Variants in SLC6A14 observed in about 807,000 individuals in gnomAD.
SLC6A14 encodes sodium- and chloride-dependent neutral and basic amino acid transporter B(0+).
In SLC6A14, 21 loss-of-function variants were observed where a neutral mutation model predicts 51.4. The observed-to-expected ratio is 0.41, with a 90% confidence interval of 0.29 to 0.59. The LOEUF is 0.59. Ranked by LOEUF, SLC6A14 falls within the 20% of genes least tolerant of loss-of-function variation. The probability of loss-of-function intolerance (pLI) is 0.31; values close to 1 mark genes in which losing one functional copy is unlikely to be tolerated. For missense variants in SLC6A14, 371 were observed against 472.8 expected, an observed-to-expected ratio of 0.78 and a Z score of 2.00; for synonymous variants, 177 against 160.7, an observed-to-expected ratio of 1.10 and a Z score of -0.77.
chrX:116,436,665 A>C lies in SLC6A14; in HGVS notation c.-45A>C. The C allele has an allele frequency of 1.7e-6, 2 of 1,144,146 alleles. No individual in the cohort carries two copies. The highest frequency in any genetic ancestry group is 2.3e-6 in the Non-Finnish European group (2 of 855,252). 94.3% of individuals were successfully genotyped at this position (1,144,146 alleles called of 1,213,427 possible). A position where few individuals can be genotyped will look rare whatever the true frequency, so the allele number is the denominator to read the frequency against. On this transcript the variant is annotated 5_prime_UTR_variant, in exon 1 of 14. Coordinates refer to ENST00000598581, the MANE Select transcript of SLC6A14 (RefSeq NM_007231.5). ...CACCTGCTACCAGTCAAGCTCAGCC[A>C]GACTGCAAGAGGAGGCGAGGCGGAG...
chrX:116,445,332 T>C (rs1395605483), intron 6 of SLC6A14, among the ~76,000 whole-genome samples: 1 of 109,660 alleles, frequency 9.1e-6, no homozygotes, highest in Non-Finnish European at 1.9e-5. Context: ...CTTAAGAGTA[T>C]ATTATTAAAT....
intron 7 of SLC6A14, 46 bp downstream of exon 7, chrX:116,446,927 A>C: frequency 5.5e-6 from 6 of 1,087,634 alleles, no homozygotes; most frequent in Non-Finnish European, 7.6e-6. Flanking sequence ...GGTAAATCTT[A>C]AAAGTAAATG....
intron 3 of SLC6A14, 77 bp downstream of exon 3, chrX:116,441,174 C>T: frequency 9.8e-7 from 1 of 1,025,522 alleles, no homozygotes; most frequent in Non-Finnish European, 1.3e-6. Context: ...CATATAGCTA[C>T]CTTCACTGTG....
Position 116,457,662 on chromosome X carries a change from T to C in SLC6A14, c.1668T>C (p.Ile556=). 1 of 1,208,090 alleles carries C rather than the reference T, an allele frequency of 8.3e-7. No homozygotes were observed. The highest frequency in any genetic ancestry group is 1.1e-6 in the Non-Finnish European group (1 of 892,314). The change falls in exon 13 of 14, where the codon ATT becomes ATC. Residue 556 remains isoleucine (I), a synonymous_variant. Transcript: ENST00000598581. ...TTCATAGACCTAATTATGGCGCAATTCCATACCCTGACTGGGGAGTTGCTT... is the reference window on the plus strand; with the variant it reads ...TTCATAGACCTAATTATGGCGCAATCCCATACCCTGACTGGGGAGTTGCTT... ...VQFHRPNYGA[I]PYPDWGVALG...
intron 2 of SLC6A14, among the ~76,000 whole-genome samples, chrX:116,438,345 A>T (rs375034700): frequency 6.2e-5 from 7 of 112,284 alleles, no homozygotes; most frequent in African/African-American, 2.3e-4. Context: ...AAACAGAAAA[A>T]TAAGTTCTAT....
At chrX:116,448,311 A>ATATC (rs1307575838) in intron 7 of SLC6A14, among the ~76,000 whole-genome samples, 10 of 111,953 alleles carry the variant, frequency 8.9e-5, no homozygotes, top group Admixed American at 6.6e-4. Context: ...AACTTATTTT[A>ATATC]TATCTATGGA....
chrX:116,454,645 A>G (rs1366283916), intron 10 of SLC6A14, among the ~76,000 whole-genome samples: 3 of 111,062 alleles, frequency 2.7e-5, no homozygotes, highest in Non-Finnish European at 5.7e-5. Flanking sequence ...CGAATAATGG[A>G]CAGTTACTTC....
At chrX:116,454,525 G>A (rs1440476588) in intron 10 of SLC6A14, 83 bp downstream of exon 10, 18 of 582,413 alleles carry the variant, frequency 3.1e-5, no homozygotes, top group Non-Finnish European at 4.4e-5. Flanking sequence ...AAGCTTAAGA[G>A]GATGCTTAGT....
Position 116,458,950 on chromosome X carries a change from G to A in SLC6A14, c.1924G>A (p.Glu642Lys), listed in dbSNP as rs1556694975. Residue 642 changes from glutamate to lysine, a missense_variant, in exon 14 of 14, where the codon GAA becomes AAA. By Grantham distance (56) the Glu-to-Lys change is moderately conservative. Around this residue, in one of 2 missense-constraint regions of SLC6A14, gnomAD observed 94 missense variants for 81.0 expected, o/e 1.16. Coordinates refer to ENST00000598581, the MANE Select transcript of SLC6A14 (RefSeq NM_007231.5). ...TACTGTTAGTGGCAGCAGAAAACCG[G>A]AATGAGATCTCATTGAAAAAAATAT... is the stretch of plus-strand genomic sequence containing the variant. ...IPTVSGSRKP[E>K] The A allele has an allele frequency of 8.4e-7, 1 of 1,191,327 alleles. No individual in the cohort carries two copies. Among genetic ancestry groups the A allele is most frequent in the South Asian group, 1.9e-5 (1 of 53,168 alleles).
At chrX:116,439,971 A>G (rs1927561373) in intron 2 of SLC6A14, among the ~76,000 whole-genome samples, 3 of 111,596 alleles carry the variant, frequency 2.7e-5, no homozygotes. Context: ...ATGTTACAGT[A>G]TCATAATATG....
intron 13 of SLC6A14, 94 bp downstream of exon 13, chrX:116,457,870 G>T: frequency 1.8e-5 from 12 of 658,062 alleles, no homozygotes; most frequent in Non-Finnish European, 2.8e-5. Context: ...GAGATTGTAT[G>T]AAATACAATT....
intron 9 of SLC6A14, 106 bp downstream of exon 9, chrX:116,453,248 T>C: frequency 1.6e-6 from 1 of 627,077 alleles, no homozygotes; most frequent in Non-Finnish European, 2.3e-6. Flanking sequence ...CTCTAGCTGT[T>C]AATCTCAGAA....
At chrX:116,436,817 G>T in intron 1 of SLC6A14, 60 bp downstream of exon 1, 1 of 1,044,265 alleles carries the variant, frequency 9.6e-7, no homozygotes, top group Non-Finnish European at 1.3e-6. Context: ...CTTAAGGGGG[G>T]TTGCTAGTCT....
chrX:116,448,256 T>C (rs1207601745), intron 7 of SLC6A14, among the ~76,000 whole-genome samples: 2 of 112,508 alleles, frequency 1.8e-5, no homozygotes, highest in Non-Finnish European at 3.8e-5. Flanking sequence ...GGTTACCTTT[T>C]TTTGTGCTCA....
chrX:116,439,121 A>T (rs74758008), intron 2 of SLC6A14, among the ~76,000 whole-genome samples: 2 of 111,652 alleles, frequency 1.8e-5, no homozygotes, highest in Non-Finnish European at 3.8e-5. Context: ...CATGTTTAGA[A>T]AAAGAAATTC....
chrX:116,448,806 G>T (rs1360613664), intron 7 of SLC6A14, among the ~76,000 whole-genome samples: 1 of 111,128 alleles, frequency 9.0e-6, no homozygotes, highest in Non-Finnish European at 1.9e-5. Flanking sequence ...TTTTATATTG[G>T]TCTGTGTTTC....
chrX:116,438,613 G>A (rs1927532249), intron 2 of SLC6A14, among the ~76,000 whole-genome samples: 1 of 111,639 alleles, frequency 9.0e-6, no homozygotes, highest in Non-Finnish European at 1.9e-5. Context: ...GACTCAATTA[G>A]AAAAAGGAGA....
At chrX:116,444,607 G>A (rs1556693870) in intron 5 of SLC6A14, among the ~76,000 whole-genome samples, 1 of 111,693 alleles carries the variant, frequency 9.0e-6, no homozygotes. Flanking sequence ...CTGACATAAA[G>A]TCAATTTATT....
Position 116,437,792 on chromosome X carries a change from A to C in SLC6A14, c.51A>C (p.Lys17Asn), listed in dbSNP as rs1556693382. 1 of 1,200,649 alleles carries C rather than the reference A, an allele frequency of 8.3e-7. No homozygotes were observed. Among genetic ancestry groups the C allele is most frequent in the South Asian group, 1.8e-5 (1 of 54,954 alleles). ...PSFFKCREKE[K>N]VSASSENFHV... Reference sequence around the variant, plus strand: ...TGTTGATATTTTTTCTTCCCCAGAAAGTGTCGGCTTCATCAGAGAATTTCC... The same window carrying C: ...TGTTGATATTTTTTCTTCCCCAGAACGTGTCGGCTTCATCAGAGAATTTCC... The change falls in exon 2 of 14, where the codon AAA (lysine) becomes AAC (asparagine). Residue 17 changes from lysine (K) to asparagine (N), a missense_variant and splice_region_variant. By Grantham distance (94) the Lys-to-Asn change is moderately conservative. Transcript: ENST00000598581.
Sources: gnomAD v4.1 joint callset for allele counts (sites outside exome capture counted in the v4.1 genomes callset) on GRCh38, gnomAD v4.1.1 for gene constraint, gnomAD v4.1.1 regional missense constraint, MANE v1.5 for transcripts, NCBI Gene and HGNC (gene_info 2026-07-23, HGNC 2026-07-21) for gene names.